Variants in C2orf49 observed in about 807,000 individuals in gnomAD.
C2orf49 encodes the protein tRNA-splicing ligase complex subunit ASW.
In C2orf49, 11 loss-of-function variants were observed where a neutral mutation model predicts 20.6. The observed-to-expected ratio is 0.53, with a 90% CI of 0.34 to 0.88. The LOEUF is 0.88. Ranked by LOEUF, C2orf49 falls within the 40% of genes least tolerant of loss-of-function variation. The probability of loss-of-function intolerance (pLI) is 0.02; values close to 1 mark genes in which losing one functional copy is unlikely to be tolerated. For missense variants in C2orf49, 289 were observed against 274.2 expected (o/e 1.05, Z -0.38); for synonymous variants, 134 against 108.5 (o/e 1.24, Z -1.46).
chr2:105,382,198 A>C, the C2orf49 span, among the ~76,000 whole-genome samples: 1 of 152,218 alleles, frequency 6.6e-6, no homozygotes, highest in Non-Finnish European at 1.5e-5. Flanking sequence ...AGAGTTTGTG[A>C]AACAACTTGA....
chr2:105,351,350 C>T (rs911200611), downstream of C2orf49, among the ~76,000 whole-genome samples: 21 of 113,134 alleles, frequency 1.9e-4, no homozygotes, highest in Non-Finnish European at 2.9e-4. Context: ...ATTTCTGTTT[C>T]CCCTTTTCAT....
At chr2:105,365,507 G>A in the C2orf49 span, among the ~76,000 whole-genome samples, 4 of 152,112 alleles carry the variant, frequency 2.6e-5, no homozygotes, top group Non-Finnish European at 5.9e-5. Flanking sequence ...ATGAACTTCC[G>A]TTAGGTCTTG....
the C2orf49 span, chr2:105,363,182 A>G: frequency 1.9e-6 from 2 of 1,065,050 alleles, no homozygotes; most frequent in Non-Finnish European, 2.8e-6. Context: ...AGCCTTAGGG[A>G]GGTCTGGGGA....
the C2orf49 span, among the ~76,000 whole-genome samples, chr2:105,371,426 A>G: frequency 0.016 from 2,481 of 152,106 alleles, 83 homozygotes; most frequent in African/African-American, 0.056. Flanking sequence ...CGCCCTACGG[A>G]ATTCAAATGC....
At chr2:105,360,878 C>T in the C2orf49 span, 78 of 158,088 alleles carry the variant, frequency 4.9e-4, no homozygotes, top group Non-Finnish European at 8.2e-4. Context: ...TTAGACTTGA[C>T]GCAACGGGAG....
At chr2:105,350,409 G>A (rs1330110450), downstream of C2orf49, among the ~76,000 whole-genome samples, 2 of 152,178 alleles carry the variant, frequency 1.3e-5, no homozygotes, top group Non-Finnish European at 2.9e-5. Context: ...GTAGGACTTT[G>A]GATTTGATTC....
At chr2:105,366,060 C>A in the C2orf49 span, among the ~76,000 whole-genome samples, 3 of 150,686 alleles carry the variant, frequency 2.0e-5, no homozygotes, top group Non-Finnish European at 3.0e-5. Flanking sequence ...ACAAAAAAAA[C>A]CGGCTGGGCA....
the C2orf49 span, among the ~76,000 whole-genome samples, chr2:105,384,856 G>A: frequency 1.3e-5 from 2 of 152,316 alleles, no homozygotes; most frequent in South Asian, 2.1e-4. Context: ...GAAGGGTCAA[G>A]TAACTGACCC....
the C2orf49 span, chr2:105,378,397 G>T: frequency 8.7e-6 from 3 of 345,598 alleles, no homozygotes; most frequent in Non-Finnish European, 1.7e-5. Flanking sequence ...GGTGAAGGCC[G>T]CATTCTCTCA....
the C2orf49 span, among the ~76,000 whole-genome samples, chr2:105,377,053 A>T: frequency 6.6e-6 from 1 of 152,258 alleles, no homozygotes. Flanking sequence ...TCTGTAACCC[A>T]TTCATGCCTG....
At chr2:105,361,299 C>T in the C2orf49 span, 3 of 1,613,216 alleles carry the variant, frequency 1.9e-6, no homozygotes, top group Admixed American at 3.3e-5. Flanking sequence ...GTCTTTCCCA[C>T]AGTCGGGGCA....
At chr2:105,366,873 G>A in the C2orf49 span, among the ~76,000 whole-genome samples, 1 of 152,196 alleles carries the variant, frequency 6.6e-6, no homozygotes, top group African/African-American at 2.4e-5. Context: ...AGTCTCCTGA[G>A]TAGCTGGGAC....
At chr2:105,342,814 G>T in intron 2 of C2orf49, 34 bp from the exon 3 acceptor site, 1 of 1,571,456 alleles carries the variant, frequency 6.4e-7, no homozygotes, top group South Asian at 1.2e-5. Context: ...CGTTCCAGAT[G>T]GTATTTTTCA....
downstream of C2orf49, among the ~76,000 whole-genome samples, chr2:105,352,426 TGGG>T (rs2104461727): frequency 9.2e-6 from 1 of 108,596 alleles, no homozygotes; most frequent in Admixed American, 1.0e-4. Flanking sequence ...TTTGTTTGTT[TGGG>T]TTTTTTTTTT....
chr2:105,357,502 A>G, the C2orf49 span, among the ~76,000 whole-genome samples: 2 of 152,162 alleles, frequency 1.3e-5, no homozygotes, highest in African/African-American at 4.8e-5. Flanking sequence ...CAAATACCAA[A>G]CTCCATGGAT....
At chr2:105,355,798 G>GTT in the C2orf49 span, among the ~76,000 whole-genome samples, 1 of 151,640 alleles carries the variant, frequency 6.6e-6, no homozygotes, top group Non-Finnish European at 1.5e-5. Context: ...GTGTGTGTGT[G>GTT]TGTGTGTGTG....
Position 105,337,676 on chromosome 2 carries a change from C to G in C2orf49, c.89C>G (p.Thr30Ser), listed in dbSNP as rs2104441370. 1.8e-6 allele frequency: 2 copies of G among 1,087,172 alleles called. No individual in the cohort carries two copies. The highest frequency in any genetic ancestry group is 2.4e-6 in the Non-Finnish European group (2 of 840,506). 67.3% of individuals were successfully genotyped at this position (1,087,172 alleles called of 1,614,324 possible). A position where few individuals can be genotyped will look rare whatever the true frequency, so the allele number is the denominator to read the frequency against. Residue 30 changes from threonine (T) to serine (S), a missense_variant, in exon 1 of 4, where the codon ACT becomes AGT. Transcript: ENST00000258457. ...ELLSQEFLLL[T>S]LEQKNIAVET... is the part of the protein sequence containing the mutation. Reference sequence around the variant, plus strand: ...CTGTCCCAGGAGTTCCTTCTCCTCACTCTGGAGCAGGTTGGGCGCGCCGGA... The same window carrying G: ...CTGTCCCAGGAGTTCCTTCTCCTCAGTCTGGAGCAGGTTGGGCGCGCCGGA...
the C2orf49 span, among the ~76,000 whole-genome samples, chr2:105,355,289 C>G: frequency 1.3e-5 from 2 of 152,108 alleles, no homozygotes; most frequent in African/African-American, 2.4e-5. Flanking sequence ...AGACTTGTAG[C>G]TAAGATTTAC....
At chr2:105,363,262 A>T in the C2orf49 span, 55 of 1,611,860 alleles carry the variant, frequency 3.4e-5, no homozygotes, top group Non-Finnish European at 4.5e-5. Flanking sequence ...CGCCCCTGGA[A>T]ATGGGAACCC....
Sources: gnomAD v4.1 joint callset for allele counts (sites outside exome capture counted in the v4.1 genomes callset) on GRCh38, gnomAD v4.1.1 for gene constraint, MANE v1.5 for transcripts, NCBI Gene and HGNC (gene_info 2026-07-23, HGNC 2026-07-21) for gene names.